CRYL1: variants seen among roughly 807,000 people sequenced by gnomAD.
CRYL1 encodes the protein lambda-crystallin homolog.
A neutral mutation model predicts 36.6 loss-of-function variants in CRYL1; 29 were observed. That is an observed-to-expected ratio of 0.79 (90% confidence interval 0.59 to 1.08). The LOEUF is 1.08. CRYL1 is among the 50% of genes least tolerant of loss of function. CRYL1 has a pLI of 0.00. For synonymous variants in CRYL1, 152 were observed against 151.5 expected (o/e 1.00, Z -0.02); for missense variants, 411 against 407.9 (o/e 1.01, Z -0.06).
At chr13:20,459,739 A>G (rs141508851) in intron 3 of CRYL1, among the ~76,000 whole-genome samples, 184 of 152,336 alleles carry the variant, frequency 1.2e-3, no homozygotes, top group African/African-American at 4.2e-3. Flanking sequence ...AACCTATCAG[A>G]TATTATGCTG....
intron 2 of CRYL1, among the ~76,000 whole-genome samples, chr13:20,502,879 A>G (rs931679394): frequency 6.6e-6 from 1 of 152,216 alleles, no homozygotes; most frequent in Non-Finnish European, 1.5e-5. Flanking sequence ...CAGTCAAGGT[A>G]GGAGTCACAC....
chr13:20,454,419 GTTTT>G (rs59272530), intron 3 of CRYL1, among the ~76,000 whole-genome samples: 1 of 134,004 alleles, frequency 7.5e-6, no homozygotes, highest in Non-Finnish European at 1.6e-5. Context: ...ATTCGTGTTT[GTTTT>G]TTTTTTTTTT....
Position 20,435,713 on chromosome 13 carries a change from G to C in CRYL1, c.439-3417C>G, listed in dbSNP as rs1431380678. Among the ~76,000 whole-genome samples the C allele has an allele frequency of 6.6e-6, 1 of 152,208 alleles. No homozygotes were observed. The highest frequency in any genetic ancestry group is 1.5e-5 in the Non-Finnish European group (1 of 68,034). On this transcript the variant is annotated intron_variant, in intron 4 of 7. Transcript: ENST00000298248. This position sits in a 1 kb window ranked among gnomAD's most constrained non-coding sequence, Gnocchi z 4.0. Reference sequence around the variant, plus strand: ...GCGCAGCGCAGGGGCCTGGGCCTGCGCAGGCCGGCGGAGCACAAGGGACGC... The same window carrying C: ...GCGCAGCGCAGGGGCCTGGGCCTGCCCAGGCCGGCGGAGCACAAGGGACGC...
intron 3 of CRYL1, among the ~76,000 whole-genome samples, chr13:20,478,446 A>G (rs990755722): frequency 1.8e-4 from 27 of 152,168 alleles, no homozygotes; most frequent in African/African-American, 6.5e-4. Context: ...TCCTTCCAAA[A>G]GAGCTCTGTA....
At chr13:20,490,170 C>T (rs2033481712) in intron 2 of CRYL1, among the ~76,000 whole-genome samples, 1 of 152,156 alleles carries the variant, frequency 6.6e-6, no homozygotes, top group Non-Finnish European at 1.5e-5. Flanking sequence ...GTGGGTGGAT[C>T]ACTTGAGGTC....
intron 5 of CRYL1, chr13:20,427,364 T>G: frequency 1.0e-6 from 1 of 967,982 alleles, no homozygotes; most frequent in South Asian, 4.8e-5. Flanking sequence ...ACCTGGCTCC[T>G]TCACTCCCTT....
At chr13:20,440,193 C>A (rs1346853510) in intron 3 of CRYL1, among the ~76,000 whole-genome samples, 1 of 152,228 alleles carries the variant, frequency 6.6e-6, no homozygotes, top group Non-Finnish European at 1.5e-5. Context: ...CAAACCTAAG[C>A]ATAAAAATAC....
In CRYL1 at chr13:20,522,439, T is replaced by C. The variant is rs534442070; in HGVS notation, c.41+3315A>G. On this transcript the variant is annotated intron_variant, in intron 1 of 7. Transcript: ENST00000298248. ...TAGTTTATAGGATACCTTTCTTTCT[T>C]GCCTTTCTAGTTTATGGGATGTTTT... Among the ~76,000 whole-genome samples the C allele has an allele frequency of 2.6e-4, 40 of 152,310 alleles. No homozygotes were observed. The South Asian group carries it at 4.2e-3, about 16-fold the overall frequency.
At chr13:20,406,465 G>A (rs1386058414) in intron 6 of CRYL1, among the ~76,000 whole-genome samples, 1 of 152,106 alleles carries the variant, frequency 6.6e-6, no homozygotes, top group Non-Finnish European at 1.5e-5. Context: ...GAAATTAACG[G>A]ATGGGTACTC....
intron 1 of CRYL1, among the ~76,000 whole-genome samples, chr13:20,517,360 C>T (rs1046055056): frequency 2.0e-5 from 3 of 151,588 alleles, no homozygotes; most frequent in Non-Finnish European, 2.9e-5. Flanking sequence ...TTTGGGAGAC[C>T]GAGGCAGGTG....
intron 6 of CRYL1, chr13:20,405,905 C>G (rs745786605): frequency 6.6e-6 from 1 of 152,424 alleles, no homozygotes; most frequent in African/African-American, 2.4e-5. Flanking sequence ...CAGACTTACT[C>G]TCCCTCACAT....
In CRYL1 at chr13:20,415,042, T is replaced by C. The variant is rs1049327010; in HGVS notation, c.634-1655A>G. 2.0e-5 allele frequency among the ~76,000 whole-genome samples: 3 copies of C among 152,008 alleles called. No individual in the cohort carries two copies. The highest frequency in any genetic ancestry group is 2.0e-4 in the Admixed American group (3 of 15,268). ...CGAGAGCCCGACCGTGGACGATGCG[T>C]CGCGCCCTTCCCATCGCGGCCTGGG... On this transcript the variant is annotated intron_variant, in intron 5 of 7. Coordinates refer to ENST00000298248, the MANE Select transcript of CRYL1 (RefSeq NM_015974.3). This position sits in a 1 kb window ranked among gnomAD's most constrained non-coding sequence, Gnocchi z 4.1.
intron 3 of CRYL1, among the ~76,000 whole-genome samples, chr13:20,466,259 A>G (rs2032930384): frequency 6.6e-6 from 1 of 152,224 alleles, no homozygotes; most frequent in South Asian, 2.1e-4. Flanking sequence ...GGGGATTAGG[A>G]ATTCTTAAAC....
chr13:20,487,020 T>C (rs933737390), intron 3 of CRYL1, among the ~76,000 whole-genome samples: 1 of 152,104 alleles, frequency 6.6e-6, no homozygotes, highest in South Asian at 2.1e-4. Flanking sequence ...TTATGGAGGG[T>C]TCACCACTTT....
intron 5 of CRYL1, among the ~76,000 whole-genome samples, chr13:20,414,883 C>G (rs1002725226): frequency 6.6e-6 from 1 of 152,210 alleles, no homozygotes; most frequent in Admixed American, 6.5e-5. Context: ...CGGAGGGAAG[C>G]CGCCACCTTT....
chr13:20,487,625 A>G (rs2137470162), intron 3 of CRYL1, among the ~76,000 whole-genome samples: 1 of 152,304 alleles, frequency 6.6e-6, no homozygotes, highest in African/African-American at 2.4e-5. Flanking sequence ...TTAAAAACTA[A>G]ACTCACGGCT....
At chr13:20,439,865 T>A (rs2032317437) in intron 3 of CRYL1, 111 bp from the exon 4 acceptor site, 4 of 1,079,242 alleles carry the variant, frequency 3.7e-6, no homozygotes, top group Non-Finnish European at 5.4e-6. Context: ...AATGATGAGG[T>A]TCAAGACGTG....
rs757700134 is a variant in CRYL1 at position 20,525,753 on chromosome 13, C to T, written c.41+1G>A. The T allele has an allele frequency of 4.5e-6, 6 of 1,333,310 alleles. No homozygotes were observed. Among genetic ancestry groups the T allele is most frequent in the East Asian group, 3.1e-5 (1 of 32,086 alleles). The allele number at this position is 1,333,310 out of a possible 1,614,324, so 82.6% of individuals were successfully genotyped here. ...CAGCAGCGCGGCTCGGAGCCCTTTA[C>T]CTGCCAACGATCACCACGCAGCCGG... is the stretch of plus-strand genomic sequence containing the variant. On this transcript the variant is annotated splice_donor_variant, in intron 1 of 7. Coordinates refer to ENST00000298248, the MANE Select transcript of CRYL1 (RefSeq NM_015974.3). LOFTEE classifies it high-confidence loss of function. This position sits in a 1 kb window ranked among gnomAD's most constrained non-coding sequence, Gnocchi z 4.3.
At chr13:20,524,647 G>C (rs1035463646) in intron 1 of CRYL1, among the ~76,000 whole-genome samples, 2 of 152,148 alleles carry the variant, frequency 1.3e-5, no homozygotes, top group African/African-American at 4.8e-5. Flanking sequence ...AACGTGCTGG[G>C]ATTACAGGGG....
Sources: gnomAD v4.1 joint callset for allele counts (sites outside exome capture counted in the v4.1 genomes callset) on GRCh38, gnomAD v4.1.1 for gene constraint, Gnocchi (gnomAD v3.1) non-coding constraint, MANE v1.5 for transcripts, NCBI Gene and HGNC (gene_info 2026-07-23, HGNC 2026-07-21) for gene names.